The following KNDC1 variants were observed in gnomAD, a reference collection of about 807,000 sequenced individuals.
KNDC1 encodes kinase non-catalytic C-lobe domain-containing protein 1.
KNDC1 carries 106 observed loss-of-function variants against 172.8 expected under a neutral mutation model. The observed-to-expected ratio is 0.61, with a 90% confidence interval of 0.52 to 0.72. The LOEUF (loss-of-function observed/expected upper bound fraction) is 0.72. Ranked by LOEUF, KNDC1 falls within the 30% of genes least tolerant of loss-of-function variation. KNDC1 has a pLI of 0.00. For synonymous variants in KNDC1, 1,083 were observed against 1,062.2 expected (o/e 1.02, Z -0.38); for missense variants, 2,325 against 2,394.5 (o/e 0.97, Z 0.61).
intron 5 of KNDC1, among the ~76,000 whole-genome samples, chr10:133,184,314 A>C (rs1472975509): frequency 1.4e-5 from 2 of 140,342 alleles, no homozygotes; most frequent in African/African-American, 2.7e-5. Flanking sequence ...ACACTGCACA[A>C]CCCATGCACA....
At chr10:133,178,133 A>G (rs932997549) in intron 3 of KNDC1, among the ~76,000 whole-genome samples, 14 of 149,798 alleles carry the variant, frequency 9.3e-5, no homozygotes, top group African/African-American at 3.5e-4. Context: ...GTGTGCATGC[A>G]TGTAGTCTAT....
At chr10:133,184,989 T>C (rs978041264) in intron 5 of KNDC1, among the ~76,000 whole-genome samples, 5 of 152,260 alleles carry the variant, frequency 3.3e-5, no homozygotes, top group Non-Finnish European at 7.3e-5. Flanking sequence ...AGGCCGCCTT[T>C]GAACAGAGGC....
At chr10:133,203,324 G>A (rs933799150) in intron 17 of KNDC1, among the ~76,000 whole-genome samples, 32 of 152,050 alleles carry the variant, frequency 2.1e-4, no homozygotes, top group African/African-American at 7.0e-4. Flanking sequence ...CAAACTCATG[G>A]TGTCCAGCAG....
In KNDC1 at chr10:133,160,403, C is replaced by G; in HGVS notation, c.-65C>G. The G allele has an allele frequency of 1.0e-6, 1 of 995,606 alleles. No individual in the cohort carries two copies. Among genetic ancestry groups the G allele is most frequent in the Non-Finnish European group, 1.3e-6 (1 of 758,572 alleles). 61.7% of individuals were successfully genotyped at this position (995,606 alleles called of 1,614,324 possible). Reference sequence around the variant, plus strand: ...GGCGCGTCTCCATGGAGCCAGGGCGCGCGTAGCCGAGCCCAGCCCAGCCCA... The same window carrying G: ...GGCGCGTCTCCATGGAGCCAGGGCGGGCGTAGCCGAGCCCAGCCCAGCCCA... On this transcript the variant is annotated 5_prime_UTR_variant, in exon 1 of 30. Transcript: ENST00000304613.
intron 24 of KNDC1, among the ~76,000 whole-genome samples, 184 bp downstream of exon 24, chr10:133,213,106 T>C (rs1255517303): frequency 6.6e-6 from 1 of 150,966 alleles, no homozygotes; most frequent in African/African-American, 2.4e-5. Flanking sequence ...GCTGCCTCAA[T>C]GGGAGGCCCC....
chr10:133,206,962 G>A lies in KNDC1; in HGVS notation c.3579+9G>A, dbSNP rs1459244335. On this transcript the variant is annotated intron_variant, in intron 19 of 29. Coordinates refer to ENST00000304613, the MANE Select transcript of KNDC1 (RefSeq NM_152643.8). ...TCAAGAAGTATCTGCAGGCAAGTGG[G>A]CTCCGGGCCCCGCTCTGCCCCGTGA... 1 of 1,612,640 alleles carries A rather than the reference G, an allele frequency of 6.2e-7. No individual in the cohort carries two copies. The highest frequency in any genetic ancestry group is 2.2e-5 in the East Asian group (1 of 44,868).
intron 21 of KNDC1, 78 bp from the exon 22 acceptor site, chr10:133,211,344 A>C: frequency 4.3e-6 from 6 of 1,381,418 alleles, no homozygotes; most frequent in Non-Finnish European, 4.9e-6. Context: ...CCTCTCTGGG[A>C]GAGCCACATG....
Position 133,201,516 on chromosome 10 carries a change from C to T in KNDC1, c.3005C>T (p.Ala1002Val), listed in dbSNP as rs767156676. ...SLHRLGKEKPAMARTSSRAPC... is the reference protein window; with the variant it reads ...SLHRLGKEKPVMARTSSRAPC... Reference sequence around the variant, plus strand: ...TTCTTTCAAGGAAAAGAGAAGCCAGCCATGGCCAGGACCAGCAGCAGGGCC... The same window carrying T: ...TTCTTTCAAGGAAAAGAGAAGCCAGTCATGGCCAGGACCAGCAGCAGGGCC... Residue 1002 changes from alanine to valine, a missense_variant, in exon 17 of 30, where the codon GCC becomes GTC. Coordinates refer to ENST00000304613, the MANE Select transcript of KNDC1 (RefSeq NM_152643.8). The T allele has an allele frequency of 1.2e-5, 20 of 1,600,946 alleles. No individual in the cohort carries two copies. Among genetic ancestry groups the T allele is most frequent in the Non-Finnish European group, 1.7e-5 (20 of 1,175,536 alleles).
At chr10:133,181,517 TGGGGATGGCCAGC>T (rs1377499380) in intron 3 of KNDC1, among the ~76,000 whole-genome samples, 3 of 152,026 alleles carry the variant, frequency 2.0e-5, no homozygotes, top group Non-Finnish European at 4.4e-5. Context: ...AGGGAGTCTG[TGGGGATGGCCAGC>T]GGCCGGGGGC....
At chr10:133,219,794 G>C (rs1039035939) in intron 28 of KNDC1, among the ~76,000 whole-genome samples, 161 bp from the exon 29 acceptor site, 11 of 152,238 alleles carry the variant, frequency 7.2e-5, no homozygotes, top group African/African-American at 2.4e-4. Flanking sequence ...AACCATCCAG[G>C]AACATTCGGG....
At chr10:133,178,225 C>T (rs1222595199) in intron 3 of KNDC1, among the ~76,000 whole-genome samples, 6 of 151,984 alleles carry the variant, frequency 3.9e-5, no homozygotes, top group East Asian at 1.9e-4. Flanking sequence ...GGTGTGTGTG[C>T]ATGCATGTAG....
At position 133,200,440 on chromosome 10, in the gene KNDC1, G is replaced by A. The variant is rs147217938; in HGVS notation, c.2969G>A (p.Arg990Lys). 2.5e-6 allele frequency: 4 copies of A among 1,590,688 alleles called. No homozygotes were observed. The highest frequency in any genetic ancestry group is 3.4e-6 in the Non-Finnish European group (4 of 1,169,990). The part of the protein sequence containing the change: ...SQSPRSPSSK[R>K]PSLHRLGKEK... ...AGCCCCCGCTCCCCGTCCAGCAAGA[G>A]GCCGTCGCTGCACCGCCTGGGTAAG... Residue 990 changes from arginine to lysine, a missense_variant, in exon 16 of 30, where the codon AGG becomes AAG. Arg to Lys is a conservative substitution (Grantham distance 26). Coordinates refer to ENST00000304613, the MANE Select transcript of KNDC1 (RefSeq NM_152643.8).
chr10:133,218,555 CT>C (rs1845514991), intron 26 of KNDC1, among the ~76,000 whole-genome samples: 1 of 152,204 alleles, frequency 6.6e-6, no homozygotes, highest in African/African-American at 2.4e-5. Flanking sequence ...CACAATCTTG[CT>C]TTTGAGAAGT....
rs920956348 is a variant in KNDC1 at position 133,163,219 on chromosome 10, G to A, written c.102+2650G>A. Reference sequence around the variant, plus strand: ...ATGGGAATTCAGATGAGACGAAGAGGGTGCACCGGTTTGGGTGCCAGAGCA... The same window carrying A: ...ATGGGAATTCAGATGAGACGAAGAGAGTGCACCGGTTTGGGTGCCAGAGCA... On this transcript the variant is annotated intron_variant, in intron 1 of 29. Transcript: ENST00000304613. The surrounding 1 kb of genome is among the most constrained non-coding windows in gnomAD (Gnocchi z 4.4). Among the ~76,000 whole-genome samples, 16 of 152,176 alleles carry A rather than the reference G, an allele frequency of 1.1e-4. No homozygotes were observed. The highest frequency in any genetic ancestry group is 2.6e-4 in the Admixed American group (4 of 15,278).
chr10:133,186,035 G>C lies in KNDC1; in HGVS notation c.687G>C (p.Pro229=), dbSNP rs372353355. 25 of 1,595,382 alleles carry C rather than the reference G, an allele frequency of 1.6e-5. No homozygotes were observed. In the African/African-American group the frequency reaches 2.8e-4, roughly 18 times the overall value. Residue 229 remains proline (P), a synonymous_variant, in exon 6 of 30, where the codon CCG becomes CCC. Transcript: ENST00000304613. ...CAGGAAACGCTGGGCCCAGGAGGCC[G>C]CCCGGGGACCCCAGCACTGACCCGG... ...PAPGNAGPRR[P]PGDPSTDPEV... is the part of the protein sequence containing the mutation.
intron 11 of KNDC1, 130 bp from the exon 12 acceptor site, chr10:133,197,542 GGCC>G: frequency 2.7e-6 from 2 of 737,298 alleles, no homozygotes; most frequent in Admixed American, 4.1e-5. Context: ...TGGGCCGTGT[GGCC>G]GCCATGCCCG....
At chr10:133,195,271 G>A (rs745378337) in intron 9 of KNDC1, among the ~76,000 whole-genome samples, 4 of 152,126 alleles carry the variant, frequency 2.6e-5, no homozygotes, top group African/African-American at 7.2e-5. Context: ...GGCACCAGTC[G>A]GGGGGCTTCC....
rs375918321 is a variant in KNDC1 at position 133,194,303 on chromosome 10, A to G, written c.1576-1360A>G. On this transcript the variant is annotated intron_variant, in intron 9 of 29. Transcript: ENST00000304613. ...CGAAACAACACATTCTAAATACTCT[A>G]TGTGTCAAAGAGAAAATTTCAAGGA... 1.6e-4 allele frequency among the ~76,000 whole-genome samples: 24 copies of G among 152,356 alleles called. No individual in the cohort carries two copies. The East Asian group carries it at 4.4e-3, about 28-fold the overall frequency.
chr10:133,173,699 G>A (rs1303677906), intron 3 of KNDC1, among the ~76,000 whole-genome samples: 3 of 152,208 alleles, frequency 2.0e-5, no homozygotes, highest in African/African-American at 7.2e-5. Context: ...TGTTCCCCGG[G>A]TCACTGTCTG....
Sources: allele counts gnomAD v4.1 joint callset (sites outside exome capture counted in the v4.1 genomes callset), GRCh38; gene constraint gnomAD v4.1.1; non-coding constraint Gnocchi (gnomAD v3.1); transcripts MANE v1.5; gene names NCBI Gene and HGNC (gene_info 2026-07-23, HGNC 2026-07-21).